The following MTMR1 variants were observed in gnomAD, a reference collection of about 807,000 sequenced individuals.
MTMR1 encodes the protein myotubularin related protein 1, also known as phosphatidylinositol-3-phosphate phosphatase MTMR1.
A neutral mutation model predicts 51.6 loss-of-function variants in MTMR1; 17 were observed. The ratio of observed to expected loss-of-function variants is 0.33; its 90% CI spans 0.23 to 0.49. The LOEUF (loss-of-function observed/expected upper bound fraction) is 0.49. Ranked by LOEUF, MTMR1 falls within the 20% of genes least tolerant of loss-of-function variation. The pLI is 0.99. For synonymous variants in MTMR1, 201 were observed against 205.6 expected (o/e 0.98, Z 0.19); for missense variants, 386 against 526.9 (o/e 0.73, Z 2.62).
At chrX:150,751,746 C>G (rs2042736888) in intron 14 of MTMR1, among the ~76,000 whole-genome samples, 1 of 109,793 alleles carries the variant, frequency 9.1e-6, no homozygotes, top group African/African-American at 3.3e-5. Flanking sequence ...CTGCTCCTCC[C>G]CTGCTCTTTT....
intron 3 of MTMR1, among the ~76,000 whole-genome samples, chrX:150,715,314 A>C (rs1557416362): frequency 8.9e-6 from 1 of 112,359 alleles, no homozygotes; most frequent in African/African-American, 3.2e-5. Flanking sequence ...TGGAGCCCTC[A>C]GGAACAAATT....
At chrX:150,760,364 T>A (rs2043069366) in intron 15 of MTMR1, among the ~76,000 whole-genome samples, 2 of 98,885 alleles carry the variant, frequency 2.0e-5, no homozygotes, top group Non-Finnish European at 4.5e-5. Context: ...GCAAGCCTGT[T>A]GGGCCTCTTT....
intron 1 of MTMR1, among the ~76,000 whole-genome samples, chrX:150,698,326 T>C (rs1318166093): frequency 9.1e-6 from 1 of 110,306 alleles, no homozygotes; most frequent in Non-Finnish European, 1.9e-5. Flanking sequence ...TAAAAACCAT[T>C]TGTAAGTTGT....
intron 12 of MTMR1, among the ~76,000 whole-genome samples, chrX:150,742,366 A>G (rs2042447062): frequency 8.9e-6 from 1 of 111,981 alleles, no homozygotes; most frequent in Non-Finnish European, 1.9e-5. Context: ...ATATGGTATT[A>G]TAGCCTTATG....
chrX:150,723,208 A>G (rs1328944501), intron 4 of MTMR1, among the ~76,000 whole-genome samples: 8 of 111,540 alleles, frequency 7.2e-5, no homozygotes, highest in South Asian at 3.8e-4. Context: ...GCTGCATAGT[A>G]TTCCATGGTG....
chrX:150,732,592 C>T lies in MTMR1; in HGVS notation c.942C>T (p.Ser314=). 8.3e-7 allele frequency: 1 copy of T among 1,210,420 alleles called. No homozygotes were observed. The highest frequency in any genetic ancestry group is 2.2e-5 in the Admixed American group (1 of 45,862). The change falls in exon 10 of 16, where the codon AGC becomes AGT. Residue 314 remains serine, a synonymous_variant. Coordinates refer to ENST00000445323, the MANE Select transcript of MTMR1 (RefSeq NM_001306144.3). ...PESQATITRC[S]QPLVGPNDKR... ...GTCAAGCAACGATTACCCGTTGCAG[C>T]CAGCCACTTGTGGGTCCCAATGATA...
At position 150,736,738 on chromosome X, in the gene MTMR1, G is replaced by T; in HGVS notation, c.1224G>T (p.Trp408Cys). The part of the protein sequence containing the change: ...IVYPSIDEAR[W>C]LSNVDGTHWL... ...ACCCTTCGATCGATGAGGCGCGGTGGCTCTCCAATGTGGATGGGACGCATT... is the reference window on the plus strand; with the variant it reads ...ACCCTTCGATCGATGAGGCGCGGTGTCTCTCCAATGTGGATGGGACGCATT... The change falls in exon 11 of 16, where the codon TGG becomes TGT. Residue 408 changes from tryptophan to cysteine, a missense_variant. Trp to Cys is a radical substitution (Grantham distance 215). Coordinates refer to ENST00000445323, the MANE Select transcript of MTMR1 (RefSeq NM_001306144.3). 8.3e-7 allele frequency: 1 copy of T among 1,210,528 alleles called. No individual in the cohort carries two copies. Among genetic ancestry groups the T allele is most frequent in the Non-Finnish European group, 1.1e-6 (1 of 894,832 alleles).
rs879991298 is a variant in MTMR1 at position 150,750,750 on chromosome X, T to C, written c.1587T>C (p.Phe529=). The change falls in exon 14 of 16, where the codon TTT becomes TTC. Residue 529 remains phenylalanine, a synonymous_variant. Coordinates refer to ENST00000445323, the MANE Select transcript of MTMR1 (RefSeq NM_001306144.3). The stretch of plus-strand genomic sequence containing the variant: ...TTAAGTTTCCTTCAGCATTCGAGTT[T>C]AATGAGCTATTCTTGATTACAATTT... ...MTRQFPSAFE[F]NELFLITILD... The C allele has an allele frequency of 3.3e-6, 4 of 1,201,418 alleles. No individual in the cohort carries two copies. The highest frequency in any genetic ancestry group is 4.5e-6 in the Non-Finnish European group (4 of 887,667).
At chrX:150,759,450 CATGCCTGATCT>C (rs1557417888) in intron 15 of MTMR1, among the ~76,000 whole-genome samples, 34 of 110,882 alleles carry the variant, frequency 3.1e-4, no homozygotes, top group African/African-American at 1.1e-3. Flanking sequence ...CCAACAGAAC[CATGCCTGATCT>C]GGAGTGCCTT....
rs1206897438 is a variant in MTMR1, at chrX:150,762,561, C to G, written c.1858-4C>G. On this transcript the variant is annotated splice_polypyrimidine_tract_variant and splice_region_variant and intron_variant, in intron 15 of 15. Coordinates refer to ENST00000445323, the MANE Select transcript of MTMR1 (RefSeq NM_001306144.3). ...TAATGCAGCTTTGTCTCTGCTCCCT[C>G]CAGATGCCCATTCACCAGAATCTCA... 8.3e-7 allele frequency: 1 copy of G among 1,210,858 alleles called. No individual in the cohort carries two copies. Among genetic ancestry groups the G allele is most frequent in the Admixed American group, 2.2e-5 (1 of 45,927 alleles).
intron 10 of MTMR1, 44 bp downstream of exon 10, chrX:150,732,774 T>A (rs1557417042): frequency 9.1e-7 from 1 of 1,093,249 alleles, no homozygotes; most frequent in Non-Finnish European, 1.2e-6. Context: ...TATTTTCATG[T>A]CCTGTCTGTA....
rs782613340 is a variant in MTMR1 at position 150,737,227 on chromosome X, C to CT, written c.1267-7dup. 2.3e-5 allele frequency: 27 copies of CT among 1,192,751 alleles called. No homozygotes were observed. Among genetic ancestry groups the CT allele is most frequent in the Admixed American group, 1.1e-4 (5 of 45,478 alleles). On this transcript the variant is annotated splice_polypyrimidine_tract_variant and intron_variant, in intron 11 of 15. Transcript: ENST00000445323. ...TTCAATGTAGCCTGGTCTAATGTGC[C>CT]TTTTTTTTCTGAAGATGCTGCTTGC...
chrX:150,736,803 A>G lies in MTMR1; in HGVS notation c.1266+23A>G, dbSNP rs374600496. 9 of 1,162,295 alleles carry G rather than the reference A, an allele frequency of 7.7e-6. No individual in the cohort carries two copies. The South Asian group carries it at 1.8e-4, about 23-fold the overall frequency. The stretch of plus-strand genomic sequence containing the variant: ...AGGGTAAAGAGATCCAGCACTTTAT[A>G]TGCTTTCCAGTTAAGACTTCTTTGT... On this transcript the variant is annotated intron_variant, in intron 11 of 15. Coordinates refer to ENST00000445323, the MANE Select transcript of MTMR1 (RefSeq NM_001306144.3).
chrX:150,746,356 G>A (rs1272145472), intron 13 of MTMR1, among the ~76,000 whole-genome samples: 4 of 111,689 alleles, frequency 3.6e-5, no homozygotes, highest in African/African-American at 1.3e-4. Flanking sequence ...AGGTAGGTGT[G>A]CTGATGGTGC....
rs782276367 is a variant in MTMR1, at chrX:150,764,195, CTTA to C, written c.*1472_*1474del. 2.8e-4 allele frequency: 32 copies of C among 112,732 alleles called. No individual in the cohort carries two copies. Among genetic ancestry groups the C allele is most frequent in the African/African-American group, 9.7e-4 (30 of 31,073 alleles). 9.3% of individuals were successfully genotyped at this position (112,732 alleles called of 1,213,427 possible). ...TCCAGGCAAAGGCCTACAGATTGACCTTATTATTTTTGAAAATATGTTAAGGGT... is the reference window on the plus strand; with the variant it reads ...TCCAGGCAAAGGCCTACAGATTGACCTTATTTTTGAAAATATGTTAAGGGT... On this transcript the variant is annotated 3_prime_UTR_variant, in exon 16 of 16. Coordinates refer to ENST00000445323, the MANE Select transcript of MTMR1 (RefSeq NM_001306144.3).
At chrX:150,713,917 A>T (rs2041402993) in intron 3 of MTMR1, among the ~76,000 whole-genome samples, 1 of 14,275 alleles carries the variant, frequency 7.0e-5, no homozygotes. Context: ...ATGTGTGTAT[A>T]CACACACACA....
chrX:150,698,302 A>C (rs1557415794), intron 1 of MTMR1, among the ~76,000 whole-genome samples: 1 of 110,779 alleles, frequency 9.0e-6, no homozygotes, highest in African/African-American at 3.3e-5. Context: ...TCAAAAAAAA[A>C]AATAAATAAA....
intron 12 of MTMR1, among the ~76,000 whole-genome samples, chrX:150,740,378 C>T (rs1372420743): frequency 1.8e-5 from 2 of 111,852 alleles, no homozygotes; most frequent in Admixed American, 9.5e-5. Context: ...TTTCTTCATT[C>T]GGCTTCTAGG....
At chrX:150,695,506 A>G (rs988094814) in intron 1 of MTMR1, among the ~76,000 whole-genome samples, 1 of 111,823 alleles carries the variant, frequency 8.9e-6, no homozygotes, top group Admixed American at 9.4e-5. Context: ...GGTAGAGCCA[A>G]TGGGGTTTGC....
Sources: allele counts gnomAD v4.1 joint callset (sites outside exome capture counted in the v4.1 genomes callset), GRCh38; gene constraint gnomAD v4.1.1; transcripts MANE v1.5; gene names NCBI Gene and HGNC (gene_info 2026-07-23, HGNC 2026-07-21).